Variants in ERBB4 observed in about 807,000 individuals in gnomAD.
ERBB4 encodes the protein receptor tyrosine-protein kinase erbB-4.
Under a neutral mutation model 158.0 loss-of-function variants are expected in ERBB4, and 42 were observed. The observed-to-expected ratio is 0.27, with a 90% CI of 0.21 to 0.34. ERBB4 has a LOEUF of 0.34. ERBB4 is among the 10% of genes least tolerant of loss of function. The pLI, the probability that ERBB4 is intolerant of heterozygous loss-of-function variation, is 1.00. For synonymous variants in ERBB4, 583 were observed against 558.7 expected (o/e 1.04, Z -0.61); for missense variants, 1,333 against 1,624.1 (o/e 0.82, Z 3.08).
At chr2:212,137,925 T>C (rs994257980) in intron 1 of ERBB4, among the ~76,000 whole-genome samples, 1 of 152,192 alleles carries the variant, frequency 6.6e-6, no homozygotes, top group Non-Finnish European at 1.5e-5. Flanking sequence ...TGTCATTCGT[T>C]TATTCGTTCT....
At chr2:211,442,430 AGC>A (rs1271858189) in intron 20 of ERBB4, among the ~76,000 whole-genome samples, 1 of 152,078 alleles carries the variant, frequency 6.6e-6, no homozygotes, top group African/African-American at 2.4e-5. Flanking sequence ...ATCCATCTGG[AGC>A]TAAACCCTGA....
chr2:212,361,935 TAAC>T (rs1464368985), intron 1 of ERBB4, among the ~76,000 whole-genome samples: 1 of 151,594 alleles, frequency 6.6e-6, no homozygotes, highest in Non-Finnish European at 1.5e-5. Context: ...GACAATATAA[TAAC>T]AAAATTTGAT....
At chr2:212,158,828 G>A (rs2081118014) in intron 1 of ERBB4, among the ~76,000 whole-genome samples, 1 of 151,926 alleles carries the variant, frequency 6.6e-6, no homozygotes. Context: ...ACAAGAATAA[G>A]AAATGCCTGT....
chr2:211,393,740 CGTGTGTGTGTGT>C (rs58472959), intron 25 of ERBB4, among the ~76,000 whole-genome samples: 8,082 of 146,274 alleles, frequency 0.055, 550 homozygotes, highest in African/African-American at 0.16. Flanking sequence ...GAGTTAATAG[CGTGTGTGTGTGT>C]GTGTGTGTGT....
intron 3 of ERBB4, among the ~76,000 whole-genome samples, chr2:211,800,441 A>T (rs1251580141): frequency 6.6e-6 from 1 of 152,142 alleles, no homozygotes; most frequent in Admixed American, 6.6e-5. Flanking sequence ...TGCTCTCCCC[A>T]TTGTAGAAAG....
At chr2:211,654,613 G>C (rs116168608) in intron 16 of ERBB4, among the ~76,000 whole-genome samples, 1 of 152,104 alleles carries the variant, frequency 6.6e-6, no homozygotes, top group Non-Finnish European at 1.5e-5. Context: ...GGAGCAGTAA[G>C]TACCACCAAT....
chr2:211,900,163 G>A (rs1033213448), intron 3 of ERBB4, among the ~76,000 whole-genome samples: 6 of 152,094 alleles, frequency 3.9e-5, no homozygotes, highest in African/African-American at 1.4e-4. Flanking sequence ...GAACTTTAAA[G>A]TGATTCCTAA....
rs2073345405 is a variant in ERBB4 at position 211,703,955 on chromosome 2, T to A, written c.1289+149A>T. On this transcript the variant is annotated intron_variant, in intron 11 of 27. Transcript: ENST00000342788. ...ATACCTCACACCATCATCGGAGGTA[T>A]TTTTATTGAGCTTATCTTTGGAAAT... is the stretch of plus-strand genomic sequence containing the variant. 1.6e-5 allele frequency: 11 copies of A among 690,668 alleles called. No individual in the cohort carries two copies. In the Admixed American group the frequency reaches 2.4e-4, roughly 15 times the overall value. 42.8% of individuals were successfully genotyped at this position (690,668 alleles called of 1,614,324 possible). A position where few individuals can be genotyped will look rare whatever the true frequency, so the allele number is the denominator to read the frequency against.
intron 1 of ERBB4, among the ~76,000 whole-genome samples, chr2:212,283,303 T>C (rs1383743215): frequency 2.0e-5 from 3 of 151,984 alleles, no homozygotes; most frequent in Non-Finnish European, 4.4e-5. Context: ...ATGGCAACAG[T>C]CTCTCATAAA....
At chr2:211,458,981 A>G (rs746028687) in intron 20 of ERBB4, among the ~76,000 whole-genome samples, 7 of 152,192 alleles carry the variant, frequency 4.6e-5, no homozygotes, top group Non-Finnish European at 7.3e-5. Context: ...ATATTATAAA[A>G]TGATTAAAAT....
At chr2:211,758,146 C>T (rs1053966961) in intron 4 of ERBB4, among the ~76,000 whole-genome samples, 1 of 152,148 alleles carries the variant, frequency 6.6e-6, no homozygotes, top group South Asian at 2.1e-4. Context: ...TAACCTAATA[C>T]ATATTATGCC....
chr2:211,678,295 AC>A (rs2072171848), intron 13 of ERBB4, among the ~76,000 whole-genome samples: 1 of 3,402 alleles, frequency 2.9e-4, no homozygotes, highest in Non-Finnish European at 1.1e-3. Flanking sequence ...GAAAAAACAA[AC>A]AAACAAAAAA....
intron 3 of ERBB4, among the ~76,000 whole-genome samples, chr2:211,875,035 A>AAAAAAAAAAAAAAAAAAAAAAAAC: frequency 7.5e-6 from 1 of 132,882 alleles, no homozygotes; most frequent in African/African-American, 2.6e-5. Context: ...CAAAAAAAAA[A>AAAAAAAAAAAAAAAAAAAAAAAAC]AAAAAAAAAA....
At chr2:212,161,346 A>G (rs1381180006) in intron 1 of ERBB4, among the ~76,000 whole-genome samples, 1 of 151,922 alleles carries the variant, frequency 6.6e-6, no homozygotes, top group Non-Finnish European at 1.5e-5. Context: ...AATTATTACC[A>G]CACCCATCTG....
intron 4 of ERBB4, among the ~76,000 whole-genome samples, chr2:211,752,006 C>T (rs549082138): frequency 6.6e-6 from 1 of 152,130 alleles, no homozygotes; most frequent in Non-Finnish European, 1.5e-5. Context: ...TGAAGTATTG[C>T]CGCTGACATC....
intron 25 of ERBB4, among the ~76,000 whole-genome samples, chr2:211,399,043 A>C (rs2062979471): frequency 6.6e-6 from 1 of 152,192 alleles, no homozygotes; most frequent in African/African-American, 2.4e-5. Context: ...ACCTCTGTCC[A>C]AGTTCTAATT....
intron 1 of ERBB4, among the ~76,000 whole-genome samples, chr2:212,198,733 CTTTTTT>C (rs11448093): frequency 3.1e-5 from 3 of 96,430 alleles, no homozygotes; most frequent in East Asian, 2.4e-4. Flanking sequence ...TCACCACGCC[CTTTTTT>C]TTTTTTTTTT....
chr2:211,854,936 G>A (rs1006722541), intron 3 of ERBB4, among the ~76,000 whole-genome samples: 4 of 152,170 alleles, frequency 2.6e-5, no homozygotes, highest in African/African-American at 9.6e-5. Flanking sequence ...CTATTGCTAC[G>A]CAGTTTCCCA....
At chr2:212,034,096 T>C (rs1431707662) in intron 2 of ERBB4, among the ~76,000 whole-genome samples, 2 of 151,904 alleles carry the variant, frequency 1.3e-5, no homozygotes, top group African/African-American at 2.4e-5. Flanking sequence ...AGTCTGAAGA[T>C]AGTATACTTC....
Sources: allele counts gnomAD v4.1 joint callset (sites outside exome capture counted in the v4.1 genomes callset), GRCh38; gene constraint gnomAD v4.1.1; transcripts MANE v1.5; gene names NCBI Gene and HGNC (gene_info 2026-07-23, HGNC 2026-07-21).